Variants in KCNH7 observed in about 807,000 individuals in gnomAD.
KCNH7 encodes the protein voltage-gated inwardly rectifying potassium channel KCNH7.
In KCNH7, 49 loss-of-function variants were observed where a neutral mutation model predicts 120.8. That is an observed-to-expected ratio of 0.41 (90% CI 0.32 to 0.51). The LOEUF is 0.51. KCNH7 is among the 20% of genes least tolerant of loss of function. The probability of loss-of-function intolerance (pLI) is 0.38; values close to 1 mark genes in which losing one functional copy is unlikely to be tolerated. For missense variants in KCNH7, 1,097 were observed against 1,446.6 expected (o/e 0.76, Z 3.92); for synonymous variants, 547 against 516.1 (o/e 1.06, Z -0.81).
intron 2 of KCNH7, among the ~76,000 whole-genome samples, chr2:162,792,635 T>G (rs1365099720): frequency 6.6e-6 from 1 of 151,872 alleles, no homozygotes. Flanking sequence ...ATGTCCCCTT[T>G]GTTGTTTCTG....
intron 2 of KCNH7, among the ~76,000 whole-genome samples, chr2:162,806,111 TA>T (rs1462272705): frequency 1.3e-5 from 2 of 151,960 alleles, no homozygotes; most frequent in Middle Eastern, 3.4e-3. Context: ...AGATGTGGGG[TA>T]AAAAACTATA....
chr2:162,590,988 A>G (rs1012621331), intron 2 of KCNH7, among the ~76,000 whole-genome samples: 14 of 152,032 alleles, frequency 9.2e-5, no homozygotes, highest in African/African-American at 3.1e-4. Context: ...TCAGTGTTTC[A>G]GCTATAATAA....
At chr2:162,592,828 G>A (rs1694254859) in intron 2 of KCNH7, among the ~76,000 whole-genome samples, 2 of 152,056 alleles carry the variant, frequency 1.3e-5, no homozygotes, top group Non-Finnish European at 1.5e-5. Flanking sequence ...AAATAGAAAT[G>A]TGTATTTGTT....
chr2:162,393,565 T>A (rs1455938763), intron 12 of KCNH7, among the ~76,000 whole-genome samples: 3 of 151,908 alleles, frequency 2.0e-5, no homozygotes, highest in Non-Finnish European at 2.9e-5. Context: ...ATTGAAGTAT[T>A]ACAGACGCAA....
At chr2:162,772,358 T>A (rs77309822) in intron 2 of KCNH7, among the ~76,000 whole-genome samples, 5,750 of 152,296 alleles carry the variant, frequency 0.038, 315 homozygotes, top group African/African-American at 0.12. Context: ...CTAAAATGTA[T>A]CCCTATTTAT....
At chr2:162,567,511 A>G (rs1451207096) in intron 2 of KCNH7, among the ~76,000 whole-genome samples, 2 of 151,986 alleles carry the variant, frequency 1.3e-5, no homozygotes, top group Non-Finnish European at 2.9e-5. Flanking sequence ...TTCCCCCCAC[A>G]GTAAAAAAGC....
chr2:162,733,729 C>A (rs944887076), intron 2 of KCNH7, among the ~76,000 whole-genome samples: 2 of 152,192 alleles, frequency 1.3e-5, no homozygotes, highest in Non-Finnish European at 2.9e-5. Flanking sequence ...CAGCAGCAAT[C>A]TCCTGCCTGC....
intron 2 of KCNH7, among the ~76,000 whole-genome samples, chr2:162,722,448 A>G (rs2105375472): frequency 6.6e-6 from 1 of 152,198 alleles, no homozygotes; most frequent in South Asian, 2.1e-4. Context: ...AAAGAGAAGC[A>G]ACTTTTGTTG....
intron 7 of KCNH7, among the ~76,000 whole-genome samples, chr2:162,436,131 G>C (rs962679226): frequency 3.3e-5 from 5 of 152,190 alleles, no homozygotes; most frequent in South Asian, 2.1e-4. Context: ...AGTAAGCAGA[G>C]AAATATGACA....
At chr2:162,743,090 T>C (rs879343606) in intron 2 of KCNH7, among the ~76,000 whole-genome samples, 2 of 152,158 alleles carry the variant, frequency 1.3e-5, no homozygotes, top group Non-Finnish European at 2.9e-5. Context: ...CTTATTTCAT[T>C]GATTTCCCTC....
intron 2 of KCNH7, among the ~76,000 whole-genome samples, chr2:162,609,754 A>G (rs1310359100): frequency 6.6e-6 from 1 of 152,186 alleles, no homozygotes; most frequent in African/African-American, 2.4e-5. Flanking sequence ...AGAGGCTCCC[A>G]AAAGAGACTG....
intron 2 of KCNH7, among the ~76,000 whole-genome samples, chr2:162,778,946 C>CTTTTTTTTTTTT (rs200107249): frequency 2.9e-5 from 4 of 136,492 alleles, no homozygotes; most frequent in Non-Finnish European, 3.2e-5. Flanking sequence ...GGAACAAATT[C>CTTTTTTTTTTTT]TTTTTTTTTT....
chr2:162,532,924 T>A (rs943111549), intron 3 of KCNH7, among the ~76,000 whole-genome samples: 1 of 151,824 alleles, frequency 6.6e-6, no homozygotes, highest in Non-Finnish European at 1.5e-5. Context: ...CTAAAGATAC[T>A]CAGGAGCACA....
intron 2 of KCNH7, among the ~76,000 whole-genome samples, chr2:162,547,788 G>A (rs1480836576): frequency 6.6e-6 from 1 of 151,040 alleles, no homozygotes; most frequent in African/African-American, 2.4e-5. Context: ...TATTGTCCCA[G>A]GGTTCAACTT....
intron 12 of KCNH7, among the ~76,000 whole-genome samples, chr2:162,392,558 T>C (rs982686865): frequency 1.3e-5 from 2 of 152,014 alleles, no homozygotes; most frequent in African/African-American, 4.8e-5. Context: ...TTTCAGTTAC[T>C]CTTTCCACAG....
chr2:162,558,777 T>C (rs965786580), intron 2 of KCNH7, among the ~76,000 whole-genome samples: 2 of 151,642 alleles, frequency 1.3e-5, no homozygotes, highest in African/African-American at 2.4e-5. Flanking sequence ...ACTATTATTA[T>C]TACATTAAAA....
chr2:162,830,082 G>A (rs1268334750), intron 2 of KCNH7, among the ~76,000 whole-genome samples: 2 of 152,248 alleles, frequency 1.3e-5, no homozygotes, highest in East Asian at 3.9e-4. Context: ...CTAGAACCAA[G>A]TGCTATGAGG....
intron 2 of KCNH7, among the ~76,000 whole-genome samples, chr2:162,752,109 G>T (rs566095500): frequency 6.6e-6 from 1 of 152,160 alleles, no homozygotes; most frequent in South Asian, 2.1e-4. Context: ...TTAAATAAAA[G>T]TAATTTTTCA....
intron 11 of KCNH7, among the ~76,000 whole-genome samples, 187 bp downstream of exon 11, chr2:162,396,553 G>T (rs1425951137): frequency 6.6e-6 from 1 of 151,820 alleles, no homozygotes; most frequent in Non-Finnish European, 1.5e-5. Flanking sequence ...GTATTGGAAA[G>T]CAATTAGGCT....
Sources: allele counts gnomAD v4.1 joint callset (sites outside exome capture counted in the v4.1 genomes callset), GRCh38; gene constraint gnomAD v4.1.1; transcripts MANE v1.5; gene names NCBI Gene and HGNC (gene_info 2026-07-23, HGNC 2026-07-21).